NID1: variants seen among roughly 807,000 people sequenced by gnomAD.
NID1 encodes nidogen 1, also known as nidogen-1.
In NID1, 76 loss-of-function variants were observed where a neutral mutation model predicts 130.6. The observed-to-expected ratio is 0.58, with a 90% CI of 0.48 to 0.70. The LOEUF is 0.70. Among genes scored for constraint, NID1 ranks in the 30% least tolerant of loss-of-function variants. The probability of loss-of-function intolerance (pLI) is 0.00; values close to 1 mark genes in which losing one functional copy is unlikely to be tolerated. For synonymous variants in NID1, 665 were observed against 675.1 expected (o/e 0.98, Z 0.23); for missense variants, 1,517 against 1,664.8 (o/e 0.91, Z 1.54).
chr1:236,043,444 A>C (rs1021554396), intron 3 of NID1, among the ~76,000 whole-genome samples: 3 of 151,870 alleles, frequency 2.0e-5, no homozygotes, highest in African/African-American at 7.3e-5. Context: ...GGGAAAAAAA[A>C]CCCCACCCAT....
At chr1:235,981,315 C>T (rs767022339) in intron 16 of NID1, among the ~76,000 whole-genome samples, 3 of 152,168 alleles carry the variant, frequency 2.0e-5, no homozygotes, top group Non-Finnish European at 2.9e-5. Flanking sequence ...GTTGATATAA[C>T]CTGAGTGTTG....
chr1:236,048,809 C>G lies in NID1; in HGVS notation c.406G>C (p.Glu136Gln), dbSNP rs753763176. ...TCCGGGAACCCTCTGTGGACACACT[C>G]TGCTGCTCGCTGAGTGATGGAGGGG... ...LSPSITQRAA[E>Q]CVHRGFPEIS... Residue 136 changes from glutamate (E) to glutamine (Q), a missense_variant, in exon 2 of 20, where the codon GAG becomes CAG. This residue lies in a region of NID1 where 1,329 missense variants were observed against 1,429.2 expected (regional missense o/e 0.93). Transcript: ENST00000264187. 4.3e-6 allele frequency: 7 copies of G among 1,614,020 alleles called. No homozygotes were observed. Among genetic ancestry groups the G allele is most frequent in the Non-Finnish European group, 5.9e-6 (7 of 1,180,032 alleles).
At chr1:236,035,044 C>T (rs1659213847) in intron 5 of NID1, among the ~76,000 whole-genome samples, 1 of 140,138 alleles carries the variant, frequency 7.1e-6, no homozygotes, top group Non-Finnish European at 1.5e-5. Flanking sequence ...GCACATTGTG[C>T]AGGTTAGTTA....
intron 10 of NID1, among the ~76,000 whole-genome samples, chr1:236,015,538 T>G (rs1471528849): frequency 6.7e-6 from 1 of 149,392 alleles, no homozygotes; most frequent in Non-Finnish European, 1.5e-5. Flanking sequence ...TTCCAGCTAC[T>G]TGGGAGACTG....
intron 12 of NID1, among the ~76,000 whole-genome samples, chr1:235,999,144 A>G (rs528347996): frequency 1.3e-5 from 2 of 152,330 alleles, no homozygotes; most frequent in African/African-American, 4.8e-5. Flanking sequence ...TTTTCCTACC[A>G]ATCACATCTG....
chr1:235,994,720 G>A lies in NID1; in HGVS notation c.2528-848C>T, dbSNP rs148051793. Among the ~76,000 whole-genome samples the A allele has an allele frequency of 2.2e-3, 310 of 139,498 alleles. 4 individuals carry two copies. The highest frequency in any genetic ancestry group is 0.021 in the East Asian group (106 of 4,948). The allele number at this position is 139,498 out of a possible 152,430, so 91.5% of individuals were successfully genotyped here. Reference sequence around the variant, plus strand: ...TTCTTCTTTTTTTTTTTTTTGAGACGGAGTCTCGCTCTGTTGCCCAGGCTG... The same window carrying A: ...TTCTTCTTTTTTTTTTTTTTGAGACAGAGTCTCGCTCTGTTGCCCAGGCTG... On this transcript the variant is annotated intron_variant, in intron 12 of 19. Transcript: ENST00000264187.
intron 5 of NID1, among the ~76,000 whole-genome samples, chr1:236,033,669 G>A (rs1659163969): frequency 6.6e-6 from 1 of 152,088 alleles, no homozygotes; most frequent in Admixed American, 6.6e-5. Context: ...TTAATACCTT[G>A]ATAATAAATT....
rs567933307 is a variant in NID1, at chr1:235,976,607, T to C, written c.*1260A>G. On this transcript the variant is annotated 3_prime_UTR_variant, in exon 20 of 20. Coordinates refer to ENST00000264187, the MANE Select transcript of NID1 (RefSeq NM_002508.3). Reference sequence around the variant, plus strand: ...TTGTTTTAGGACTCTGGGAAGCAGTTGATAAAAAGATAACACGAGCTACTG... The same window carrying C: ...TTGTTTTAGGACTCTGGGAAGCAGTCGATAAAAAGATAACACGAGCTACTG... The C allele has an allele frequency of 6.6e-6, 1 of 152,276 alleles. No homozygotes were observed. Among genetic ancestry groups the C allele is most frequent in the South Asian group, 2.1e-4 (1 of 4,832 alleles). 9.4% of individuals were successfully genotyped at this position (152,276 alleles called of 1,614,324 possible). A position where few individuals can be genotyped will look rare whatever the true frequency, so the allele number is the denominator to read the frequency against.
intron 12 of NID1, among the ~76,000 whole-genome samples, chr1:236,003,888 C>T (rs1658158987): frequency 6.6e-6 from 1 of 151,814 alleles, no homozygotes. Context: ...ACAACAATAG[C>T]CAAGCGTGGT....
At chr1:236,015,748 C>T (rs1658577559) in intron 10 of NID1, among the ~76,000 whole-genome samples, 1 of 151,930 alleles carries the variant, frequency 6.6e-6, no homozygotes, top group Non-Finnish European at 1.5e-5. Context: ...TGAGGCACCT[C>T]CAAGAGCTCC....
At position 236,064,859 on chromosome 1, in the gene NID1, A is replaced by G. The variant is rs1378636310; in HGVS notation, c.221T>C (p.Val74Ala). ...GCCCTCCCGGGGCTCACTCACGTAG[A>G]CTGCGTCGATGTCGGATCTGTCGTA... ...RFYDRSDIDA[V>A]YVTTNGIIAT... The change falls in exon 1 of 20, where the codon GTC (valine) becomes GCC (alanine). Residue 74 changes from valine (V) to alanine (A), a missense_variant. Physicochemically the swap from Val to Ala is moderately conservative, Grantham distance 64. This residue lies in a region of NID1 where 1,329 missense variants were observed against 1,429.2 expected (regional missense o/e 0.93). Coordinates refer to ENST00000264187, the MANE Select transcript of NID1 (RefSeq NM_002508.3). 2 of 1,610,974 alleles carry G rather than the reference A, an allele frequency of 1.2e-6. No individual in the cohort carries two copies. Among genetic ancestry groups the G allele is most frequent in the Non-Finnish European group, 8.5e-7 (1 of 1,178,966 alleles).
At chr1:235,996,677 A>G (rs1484318369) in intron 12 of NID1, among the ~76,000 whole-genome samples, 1 of 152,144 alleles carries the variant, frequency 6.6e-6, no homozygotes, top group Non-Finnish European at 1.5e-5. Context: ...TACTGAGCTC[A>G]AGTGATCCAT....
chr1:236,055,111 TG>T (rs1173298142), intron 1 of NID1, among the ~76,000 whole-genome samples: 3 of 151,990 alleles, frequency 2.0e-5, no homozygotes, highest in Non-Finnish European at 2.9e-5. Flanking sequence ...GAGACCATCC[TG>T]GGTAACACGG....
At chr1:236,029,872 T>A in intron 6 of NID1, 122 bp from the exon 7 acceptor site, 2 of 813,806 alleles carry the variant, frequency 2.5e-6, no homozygotes, top group Non-Finnish European at 4.0e-6. Context: ...GGTTTGGCTG[T>A]AGAACATAGA....
intron 1 of NID1, among the ~76,000 whole-genome samples, chr1:236,058,192 A>AT (rs1414277183): frequency 6.6e-6 from 1 of 152,192 alleles, no homozygotes; most frequent in East Asian, 1.9e-4. Flanking sequence ...AAAAACAGCT[A>AT]TTTCCAGCAT....
In NID1 at chr1:235,993,847, G is replaced by T. The variant is rs765999192; in HGVS notation, c.2553C>A (p.His851Gln). Reference sequence around the variant, plus strand: ...CTGCCCCGAGAATGTGTTCTCGCTCGTGCTGGCACCGGGTTTTCTCCACCT... The same window carrying T: ...CTGCCCCGAGAATGTGTTCTCGCTCTTGCTGGCACCGGGTTTTCTCCACCT... ...PGEVEKTRCQ[H>Q]EREHILGAAG... The change falls in exon 13 of 20, where the codon CAC (histidine) becomes CAA (glutamine). Residue 851 changes from histidine (H) to glutamine (Q), a missense_variant. Around this residue, in one of 3 missense-constraint regions of NID1, gnomAD observed 1,329 missense variants for 1,429.2 expected, o/e 0.93. Coordinates refer to ENST00000264187, the MANE Select transcript of NID1 (RefSeq NM_002508.3). The T allele has an allele frequency of 1.2e-6, 2 of 1,613,060 alleles. No individual in the cohort carries two copies. The highest frequency in any genetic ancestry group is 1.7e-6 in the Non-Finnish European group (2 of 1,179,234).
intron 12 of NID1, among the ~76,000 whole-genome samples, chr1:235,996,448 G>A (rs1657923968): frequency 6.6e-6 from 1 of 151,952 alleles, no homozygotes; most frequent in Non-Finnish European, 1.5e-5. Context: ...TTCACTCCAT[G>A]TATTTTTTTT....
chr1:236,008,758 C>G (rs1201321906), intron 12 of NID1, among the ~76,000 whole-genome samples: 2 of 152,114 alleles, frequency 1.3e-5, no homozygotes, highest in East Asian at 3.9e-4. Context: ...CCTCTGCCCC[C>G]CAGGTTCAAG....
intron 1 of NID1, among the ~76,000 whole-genome samples, chr1:236,055,314 A>C (rs530103782): frequency 6.6e-6 from 1 of 151,658 alleles, no homozygotes; most frequent in Non-Finnish European, 1.5e-5. Flanking sequence ...AAAAATAATA[A>C]TAATAATAAT....
Sources: gnomAD v4.1 joint callset for allele counts (sites outside exome capture counted in the v4.1 genomes callset) on GRCh38, gnomAD v4.1.1 for gene constraint, gnomAD v4.1.1 regional missense constraint, MANE v1.5 for transcripts, NCBI Gene and HGNC (gene_info 2026-07-23, HGNC 2026-07-21) for gene names.